The following MLLT3 variants were observed in gnomAD, a reference collection of about 807,000 sequenced individuals.
The protein encoded by MLLT3 is protein AF-9.
In MLLT3, 4 loss-of-function variants were observed where a neutral mutation model predicts 53.2. The ratio of observed to expected loss-of-function variants is 0.08; its 90% CI spans 0.04 to 0.17. The LOEUF (loss-of-function observed/expected upper bound fraction) is 0.17, where lower values mean the gene tolerates loss of function less well. Ranked by LOEUF, MLLT3 falls within the 10% of genes least tolerant of loss-of-function variation. The pLI is 1.00. For missense variants in MLLT3, 569 were observed against 684.0 expected (o/e 0.83, Z 1.87); for synonymous variants, 283 against 230.6 (o/e 1.23, Z -2.06).
At chr9:20,517,534 G>A (rs1488834303) in intron 2 of MLLT3, among the ~76,000 whole-genome samples, 1 of 152,018 alleles carries the variant, frequency 6.6e-6, no homozygotes, top group Admixed American at 6.6e-5. Context: ...CATCCTGTGG[G>A]GTCAGAAAAT....
intron 2 of MLLT3, among the ~76,000 whole-genome samples, chr9:20,551,924 C>G (rs1479969387): frequency 6.6e-6 from 1 of 152,174 alleles, no homozygotes; most frequent in Admixed American, 6.5e-5. Context: ...ACCCCCATCC[C>G]CCTACGTGCA....
chr9:20,609,265 T>G (rs772665532), intron 2 of MLLT3, among the ~76,000 whole-genome samples: 1 of 151,992 alleles, frequency 6.6e-6, no homozygotes, highest in Non-Finnish European at 1.5e-5. Context: ...AACTGAAGAG[T>G]AGAAAAGTAC....
At chr9:20,452,549 A>G (rs1395480966) in intron 3 of MLLT3, among the ~76,000 whole-genome samples, 2 of 152,128 alleles carry the variant, frequency 1.3e-5, no homozygotes, top group Non-Finnish European at 2.9e-5. Context: ...CTAATATGCC[A>G]TTACTATAAT....
chr9:20,480,371 C>G (rs1824630830), intron 2 of MLLT3, among the ~76,000 whole-genome samples: 1 of 152,180 alleles, frequency 6.6e-6, no homozygotes, highest in African/African-American at 2.4e-5. Flanking sequence ...TTATTCGTGG[C>G]TTCTTGCCTT....
At position 20,343,349 on chromosome 9, in the gene MLLT3, T is replaced by C; in HGVS notation, c.*3094A>G. The C allele has an allele frequency of 4.7e-6, 1 of 211,026 alleles. No homozygotes were observed. 13.1% of individuals were successfully genotyped at this position (211,026 alleles called of 1,614,324 possible). A position where few individuals can be genotyped will look rare whatever the true frequency, so the allele number is the denominator to read the frequency against. On this transcript the variant is annotated 3_prime_UTR_variant, in exon 11 of 11. Transcript: ENST00000380338. The stretch of plus-strand genomic sequence containing the variant: ...AAGACACTCTCTTAAGAGATATTTT[T>C]TTCCTGATCTGAAGTTTTTATAGTC...
At chr9:20,542,472 G>C (rs566912355) in intron 2 of MLLT3, among the ~76,000 whole-genome samples, 2 of 152,018 alleles carry the variant, frequency 1.3e-5, no homozygotes, top group South Asian at 2.1e-4. Flanking sequence ...GGATGGTCTC[G>C]ATCTCCTGAC....
At chr9:20,383,530 T>A (rs1433292773) in intron 5 of MLLT3, among the ~76,000 whole-genome samples, 1 of 151,872 alleles carries the variant, frequency 6.6e-6, no homozygotes, top group Non-Finnish European at 1.5e-5. Context: ...GAAACATAAG[T>A]AATAGTGGTA....
intron 2 of MLLT3, among the ~76,000 whole-genome samples, chr9:20,542,801 G>A (rs1210307821): frequency 2.0e-5 from 3 of 152,210 alleles, no homozygotes; most frequent in African/African-American, 4.8e-5. Context: ...CCTCATCCTG[G>A]ATGGTATCTT....
chr9:20,430,435 T>C (rs1423146538), intron 4 of MLLT3, among the ~76,000 whole-genome samples: 3 of 152,098 alleles, frequency 2.0e-5, no homozygotes, highest in Non-Finnish European at 4.4e-5. Flanking sequence ...AACTGATCAA[T>C]GGAACAGAAA....
In MLLT3 at chr9:20,372,704, G is replaced by A. The variant is rs192984789; in HGVS notation, c.1126-6960C>T. Among the ~76,000 whole-genome samples, 978 of 151,794 alleles carry A rather than the reference G, an allele frequency of 6.4e-3. 14 individuals carry two copies. The highest frequency in any genetic ancestry group is 0.022 in the African/African-American group (930 of 41,370). ...ATTACAGGCATGAGCCACCACGCCT[G>A]GCCTGCATTGTCTTATTTTCAAAAA... is the stretch of plus-strand genomic sequence containing the variant. On this transcript the variant is annotated intron_variant, in intron 5 of 10. Coordinates refer to ENST00000380338, the MANE Select transcript of MLLT3 (RefSeq NM_004529.4).
intron 5 of MLLT3, among the ~76,000 whole-genome samples, chr9:20,374,288 G>A (rs1434770835): frequency 6.6e-6 from 1 of 152,200 alleles, no homozygotes; most frequent in Admixed American, 6.5e-5. Flanking sequence ...GGAGGCTGAG[G>A]CAGGAGGATC....
intron 5 of MLLT3, among the ~76,000 whole-genome samples, chr9:20,391,884 T>C (rs371454231): frequency 1.3e-4 from 20 of 152,312 alleles, no homozygotes; most frequent in South Asian, 6.2e-4. Flanking sequence ...AGTATGTATC[T>C]ATGATTTCTC....
intron 2 of MLLT3, among the ~76,000 whole-genome samples, chr9:20,503,160 T>C (rs1825291229): frequency 6.6e-6 from 1 of 152,126 alleles, no homozygotes. Flanking sequence ...AATCAAAATT[T>C]CAATGACATT....
At chr9:20,547,166 A>G (rs554583475) in intron 2 of MLLT3, among the ~76,000 whole-genome samples, 1 of 152,250 alleles carries the variant, frequency 6.6e-6, no homozygotes, top group East Asian at 1.9e-4. Context: ...GTGAATATTA[A>G]AAATTGAGAT....
intron 2 of MLLT3, among the ~76,000 whole-genome samples, chr9:20,599,087 C>T (rs1309824818): frequency 2.0e-5 from 3 of 152,096 alleles, no homozygotes; most frequent in African/African-American, 4.8e-5. Context: ...GGGCAGATCA[C>T]GAGGTCAAGA....
chr9:20,460,438 A>G (rs141415652), intron 2 of MLLT3, among the ~76,000 whole-genome samples: 51 of 152,358 alleles, frequency 3.3e-4, no homozygotes, highest in African/African-American at 1.1e-3. Flanking sequence ...GCATTCTCAC[A>G]TATTAATTCA....
At chr9:20,509,093 TATG>T (rs1825455647) in intron 2 of MLLT3, among the ~76,000 whole-genome samples, 1 of 152,224 alleles carries the variant, frequency 6.6e-6, no homozygotes, top group African/African-American at 2.4e-5. Context: ...TCATATTGCA[TATG>T]ATGTATGTAC....
At chr9:20,436,835 G>A (rs1302846048) in intron 4 of MLLT3, among the ~76,000 whole-genome samples, 1 of 152,106 alleles carries the variant, frequency 6.6e-6, no homozygotes, top group African/African-American at 2.4e-5. Context: ...TGATCCACAT[G>A]CCCAGAATCT....
rs969821891 is a variant in MLLT3 at position 20,445,495 on chromosome 9, TG to T, written c.420+2627del. Among the ~76,000 whole-genome samples the T allele has an allele frequency of 5.1e-4, 78 of 152,310 alleles. 2 individuals carry two copies. The highest frequency in any genetic ancestry group is 1.9e-3 in the African/African-American group (78 of 41,578). On this transcript the variant is annotated intron_variant, in intron 4 of 10. Coordinates refer to ENST00000380338, the MANE Select transcript of MLLT3 (RefSeq NM_004529.4). The stretch of plus-strand genomic sequence containing the variant: ...TATAGATTATGAAGTAGAAAAAATC[TG>T]CAGTTTTTCAAGATTCTCTGGCAAA...
Sources: gnomAD v4.1 joint callset for allele counts (sites outside exome capture counted in the v4.1 genomes callset) on GRCh38, gnomAD v4.1.1 for gene constraint, MANE v1.5 for transcripts, NCBI Gene and HGNC (gene_info 2026-07-23, HGNC 2026-07-21) for gene names.